The following OVGP1 variants were observed in gnomAD, a reference collection of about 807,000 sequenced individuals.
OVGP1 encodes oviduct-specific glycoprotein.
OVGP1 carries 26 observed loss-of-function variants against 48.2 expected under a neutral mutation model. That is an observed-to-expected ratio of 0.54 (90% CI 0.40 to 0.75). The LOEUF is 0.75. Among genes scored for constraint, OVGP1 ranks in the 30% least tolerant of loss-of-function variants. The pLI is 0.00. For missense variants in OVGP1, 791 were observed against 820.6 expected (o/e 0.96, Z 0.44); for synonymous variants, 294 against 305.7 (o/e 0.96, Z 0.40).
rs774591570 is a variant in OVGP1 at position 111,416,272 on chromosome 1, G to A, written c.1156+51C>T. On this transcript the variant is annotated intron_variant, in intron 10 of 10. Coordinates refer to ENST00000369732, the MANE Select transcript of OVGP1 (RefSeq NM_002557.4). ...AGATCTAGCAGAAGGGCCTTACCCA[G>A]TGCTTGGTTATGCAACTTCCAACCC... 2.0e-6 allele frequency: 3 copies of A among 1,508,568 alleles called. No homozygotes were observed. The South Asian group carries it at 4.1e-5, about 21-fold the overall frequency. The allele number at this position is 1,508,568 out of a possible 1,614,324, so 93.4% of individuals were successfully genotyped here.
At chr1:111,416,221 T>A in intron 10 of OVGP1, 102 bp downstream of exon 10, 1 of 1,264,774 alleles carries the variant, frequency 7.9e-7, no homozygotes, top group Non-Finnish European at 1.1e-6. Context: ...CTCCCCTCAA[T>A]GTCATGTTGC....
chr1:111,427,119 CAG>C (rs1453175920), intron 1 of OVGP1, 28 bp from the exon 2 acceptor site: 9 of 1,613,994 alleles, frequency 5.6e-6, no homozygotes, highest in Non-Finnish European at 7.6e-6. Flanking sequence ...AGGAGTCACA[CAG>C]AGATTCATAC....
At chr1:111,425,276 C>G in intron 4 of OVGP1, 107 bp downstream of exon 4, 1 of 1,266,592 alleles carries the variant, frequency 7.9e-7, no homozygotes, top group Non-Finnish European at 1.1e-6. Flanking sequence ...GAAGTATTTG[C>G]GCTAGCTTTG....
rs753704913 is a variant in OVGP1 at position 111,415,346 on chromosome 1, T to A, written c.1157-2A>T. On this transcript the variant is annotated splice_acceptor_variant, in intron 10 of 10. Coordinates refer to ENST00000369732, the MANE Select transcript of OVGP1 (RefSeq NM_002557.4). LOFTEE classifies it high-confidence loss of function. ...GTGGTAAAGAAGTTGAACTGAACTC[T>A]AGAGAAAATCAACAGAAAAGAATGA... 19 of 1,600,462 alleles carry A rather than the reference T, an allele frequency of 1.2e-5. No individual in the cohort carries two copies. The East Asian group carries it at 4.3e-4, about 36-fold the overall frequency.
rs1652264533 is a variant in OVGP1 at position 111,421,401 on chromosome 1, T to C, written c.778A>G (p.Ile260Val). ...GAPSEKLIMG[I>V]PTYGRTFRLL... is the part of the protein sequence containing the mutation. ...CGAAAGGTACGTCCATAGGTGGGGA[T>C]CCCCATGATGAGCTTCTCTGAGGGT... Residue 260 changes from isoleucine to valine, a missense_variant, in exon 8 of 11, where the codon ATC (isoleucine) becomes GTC (valine). Physicochemically the swap from Ile to Val is conservative, Grantham distance 29. Transcript: ENST00000369732. 1 of 1,613,982 alleles carries C rather than the reference T, an allele frequency of 6.2e-7. No homozygotes were observed. The highest frequency in any genetic ancestry group is 1.1e-5 in the South Asian group (1 of 91,030).
At chr1:111,427,243 C>T (rs758716742) in intron 1 of OVGP1, 152 bp from the exon 2 acceptor site, 133 of 1,486,198 alleles carry the variant, frequency 8.9e-5, no homozygotes, top group Non-Finnish European at 9.7e-5. Flanking sequence ...ACCATTTACT[C>T]GTTTCCTAGT....
chr1:111,420,466 G>C (rs1419225058), intron 8 of OVGP1, among the ~76,000 whole-genome samples: 5 of 152,214 alleles, frequency 3.3e-5, no homozygotes, highest in Non-Finnish European at 5.9e-5. Context: ...AGATTGGAGA[G>C]ACTTGCAGCA....
chr1:111,417,638 C>A (rs1432330713), intron 9 of OVGP1, among the ~76,000 whole-genome samples: 1 of 152,092 alleles, frequency 6.6e-6, no homozygotes, highest in Non-Finnish European at 1.5e-5. Context: ...CACACACACA[C>A]ATGCACACAC....
rs772262074 is a variant in OVGP1 at position 111,414,555 on chromosome 1, T to C, written c.1946A>G (p.His649Arg). 5.6e-6 allele frequency: 9 copies of C among 1,614,150 alleles called. No individual in the cohort carries two copies. Among genetic ancestry groups the C allele is most frequent in the Non-Finnish European group, 7.6e-6 (9 of 1,180,006 alleles). Residue 649 changes from histidine (H) to arginine (R), a missense_variant, in exon 11 of 11, where the codon CAT becomes CGT. Transcript: ENST00000369732. The part of the protein sequence containing the change: ...DNRFVPIYGN[H>R]SSVNSVTPQT... ...AGGGGTTACTGAGTTGACAGAGGAATGGTTTCCATAGATGGGAACAAAGCG... is the reference window on the plus strand; with the variant it reads ...AGGGGTTACTGAGTTGACAGAGGAACGGTTTCCATAGATGGGAACAAAGCG...
chr1:111,424,386 A>G (rs7554372), intron 4 of OVGP1, among the ~76,000 whole-genome samples: 50,929 of 152,072 alleles, frequency 0.33, 8,840 homozygotes, highest in African/African-American at 0.4. Context: ...CTCTGGGGTA[A>G]TCCTGAGATG....
In OVGP1 at chr1:111,415,125, G is replaced by T. The variant is rs752679499; in HGVS notation, c.1376C>A (p.Ser459Tyr). 6.2e-7 allele frequency: 1 copy of T among 1,614,146 alleles called. No individual in the cohort carries two copies. Among genetic ancestry groups the T allele is most frequent in the African/African-American group, 1.3e-5 (1 of 75,034 alleles). Reference sequence around the variant, plus strand: ...TAGAGCTACAGTGTGCTTTCCAAGGGATACAGTTTCCTTTGTAGGGGTCAC... The same window carrying T: ...TAGAGCTACAGTGTGCTTTCCAAGGTATACAGTTTCCTTTGTAGGGGTCAC... ...TTVTPTKETVSLGKHTVALGE... is the reference protein window; with the variant it reads ...TTVTPTKETVYLGKHTVALGE... The change falls in exon 11 of 11, where the codon TCC (serine) becomes TAC (tyrosine). Residue 459 changes from serine to tyrosine, a missense_variant. Ser to Tyr is a moderately radical substitution (Grantham distance 144). Transcript: ENST00000369732.
chr1:111,421,229 G>T, intron 8 of OVGP1, 47 bp downstream of exon 8: 1 of 1,528,100 alleles, frequency 6.5e-7, no homozygotes, highest in Non-Finnish European at 8.8e-7. Flanking sequence ...CTCCAGCTGG[G>T]GGTGGGAGAG....
chr1:111,423,332 T>C (rs1046545402), intron 5 of OVGP1, among the ~76,000 whole-genome samples: 1 of 152,174 alleles, frequency 6.6e-6, no homozygotes, highest in Admixed American at 6.5e-5. Context: ...AAGGCATCCC[T>C]TAGGCTGGAG....
At position 111,416,388 on chromosome 1, in the gene OVGP1, C is replaced by T. The variant is rs1410976013; in HGVS notation, c.1091G>A (p.Gly364Asp). ...GAAAGGGCCAGTGCCACAGAACGTGCCCCTGACGTCATCCATGTCCAATGT... is the reference window on the plus strand; with the variant it reads ...GAAAGGGCCAGTGCCACAGAACGTGTCCCTGACGTCATCCATGTCCAATGT... ...VWTLDMDDVR[G>D]TFCGTGPFPL... The change falls in exon 10 of 11, where the codon GGC becomes GAC. Residue 364 changes from glycine to aspartate, a missense_variant. By Grantham distance (94) the Gly-to-Asp change is moderately conservative (BLOSUM62 -1). Transcript: ENST00000369732. 2 of 1,609,248 alleles carry T rather than the reference C, an allele frequency of 1.2e-6. No homozygotes were observed. The highest frequency in any genetic ancestry group is 1.1e-5 in the South Asian group (1 of 89,452).
Position 111,419,653 on chromosome 1 carries a change from T to C in OVGP1, c.977A>G (p.Lys326Arg). The C allele has an allele frequency of 6.2e-7, 1 of 1,613,492 alleles. No individual in the cohort carries two copies. Among genetic ancestry groups the C allele is most frequent in the Non-Finnish European group, 8.5e-7 (1 of 1,179,408 alleles). ...GGCATTGTCATAGCCAACCCACTCT[T>C]TCCCCTTGTTGGCATACGGGACATA... is the stretch of plus-strand genomic sequence containing the variant. The part of the protein sequence containing the change: ...YQYVPYANKG[K>R]EWVGYDNAIS... Residue 326 changes from lysine to arginine, a missense_variant, in exon 9 of 11, where the codon AAA becomes AGA. By Grantham distance (26) the Lys-to-Arg change is conservative. Transcript: ENST00000369732.
chr1:111,425,444 G>A lies in OVGP1; in HGVS notation c.261-5C>T. On this transcript the variant is annotated splice_polypyrimidine_tract_variant and splice_region_variant and intron_variant, in intron 3 of 10. Transcript: ENST00000369732. Reference sequence around the variant, plus strand: ...AGTGTTTTCAGCTCTCTGTTCCTATGATGTGAGAGAGAGGGTTGATGAGCT... The same window carrying A: ...AGTGTTTTCAGCTCTCTGTTCCTATAATGTGAGAGAGAGGGTTGATGAGCT... 1 of 1,614,088 alleles carries A rather than the reference G, an allele frequency of 6.2e-7. No individual in the cohort carries two copies. Among genetic ancestry groups the A allele is most frequent in the Non-Finnish European group, 8.5e-7 (1 of 1,179,970 alleles).
intron 6 of OVGP1, 105 bp from the exon 7 acceptor site, chr1:111,421,778 G>T: frequency 2.8e-6 from 2 of 714,948 alleles, no homozygotes; most frequent in Admixed American, 2.3e-5. Context: ...GGTCACCAGA[G>T]CTTCCCTGCT....
chr1:111,421,118 A>G (rs1652256605), intron 8 of OVGP1, among the ~76,000 whole-genome samples, 158 bp downstream of exon 8: 1 of 152,160 alleles, frequency 6.6e-6, no homozygotes, highest in African/African-American at 2.4e-5. Context: ...TCAAAGAAAA[A>G]GAAAATATCC....
rs767947463 is a variant in OVGP1, at chr1:111,427,681, G to A, written c.25+16C>T. 1.2e-6 allele frequency: 2 copies of A among 1,612,576 alleles called. No homozygotes were observed. The highest frequency in any genetic ancestry group is 2.7e-5 in the African/African-American group (2 of 74,824). ...TTCCTGGACTGAGTGACACTGCTGG[G>A]ACCTGCCACACTCACCAACCCACAG... On this transcript the variant is annotated intron_variant, in intron 1 of 10. Coordinates refer to ENST00000369732, the MANE Select transcript of OVGP1 (RefSeq NM_002557.4).
Sources: gnomAD v4.1 joint callset for allele counts (sites outside exome capture counted in the v4.1 genomes callset) on GRCh38, gnomAD v4.1.1 for gene constraint, MANE v1.5 for transcripts, NCBI Gene and HGNC (gene_info 2026-07-23, HGNC 2026-07-21) for gene names.